The following CDH18 variants were observed in gnomAD, a reference collection of about 807,000 sequenced individuals.
The protein encoded by CDH18 is cadherin-18.
A neutral mutation model predicts 67.9 loss-of-function variants in CDH18; 31 were observed. The ratio of observed to expected loss-of-function variants is 0.46; its 90% CI spans 0.34 to 0.62. The LOEUF (loss-of-function observed/expected upper bound fraction) is 0.62, where lower values mean the gene tolerates loss of function less well. CDH18 is among the 20% of genes least tolerant of loss of function. CDH18 has a pLI of 0.01. For missense variants in CDH18, 890 were observed against 975.5 expected (o/e 0.91, Z 1.17); for synonymous variants, 362 against 347.2 (o/e 1.04, Z -0.48).
chr5:19,829,828 C>A (rs950929222), intron 3 of CDH18, among the ~76,000 whole-genome samples: 2 of 151,934 alleles, frequency 1.3e-5, no homozygotes, highest in Admixed American at 1.3e-4. Flanking sequence ...GGTACAAGTA[C>A]AAAAAAATGG....
At chr5:20,208,881 T>C (rs185815936) in intron 2 of CDH18, among the ~76,000 whole-genome samples, 3 of 151,884 alleles carry the variant, frequency 2.0e-5, no homozygotes, top group East Asian at 3.9e-4. Flanking sequence ...AACAACTCAA[T>C]AGCAATAAAG....
chr5:20,043,771 A>G (rs1200810199), intron 2 of CDH18, among the ~76,000 whole-genome samples: 1 of 152,186 alleles, frequency 6.6e-6, no homozygotes, highest in East Asian at 1.9e-4. Context: ...AGGAAGAGAT[A>G]AAATGGAAAG....
intron 5 of CDH18, among the ~76,000 whole-genome samples, chr5:19,646,863 T>C (rs991822094): frequency 2.6e-5 from 4 of 151,858 alleles, no homozygotes; most frequent in African/African-American, 7.3e-5. Flanking sequence ...TGGTCAAAGA[T>C]AGAAGAAGGG....
At chr5:20,107,084 C>CT (rs34482408) in intron 2 of CDH18, among the ~76,000 whole-genome samples, 119,516 of 143,482 alleles carry the variant, frequency 0.83, 50,397 homozygotes, top group Non-Finnish European at 0.9. Context: ...TTATAACTTT[C>CT]TTTTTTTTTT....
chr5:20,015,491 A>C (rs565305010), intron 2 of CDH18, among the ~76,000 whole-genome samples: 37 of 152,282 alleles, frequency 2.4e-4, no homozygotes, highest in African/African-American at 8.9e-4. Flanking sequence ...AAAACTTAGA[A>C]AGACTAACAC....
At chr5:20,405,621 A>C (rs1352147983) in intron 1 of CDH18, among the ~76,000 whole-genome samples, 1 of 152,192 alleles carries the variant, frequency 6.6e-6, no homozygotes, top group Non-Finnish European at 1.5e-5. Context: ...TCTGCACAGC[A>C]AAAGAAACTA....
chr5:20,319,424 G>C (rs1737785414), intron 1 of CDH18, among the ~76,000 whole-genome samples: 1 of 152,134 alleles, frequency 6.6e-6, no homozygotes, highest in Non-Finnish European at 1.5e-5. Context: ...TATGAAGGCT[G>C]ACTCTTCCAT....
chr5:19,486,884 G>T (rs549383221), intron 11 of CDH18, among the ~76,000 whole-genome samples: 1 of 152,204 alleles, frequency 6.6e-6, no homozygotes, highest in East Asian at 1.9e-4. Flanking sequence ...TGAATAAAGA[G>T]AAAACATAGC....
intron 1 of CDH18, among the ~76,000 whole-genome samples, chr5:20,410,879 A>G (rs1746715895): frequency 6.6e-6 from 1 of 151,882 alleles, no homozygotes; most frequent in Non-Finnish European, 1.5e-5. Context: ...AAAATACTTA[A>G]GAATAAAGTT....
intron 1 of CDH18, among the ~76,000 whole-genome samples, chr5:20,377,760 G>T (rs532867135): frequency 6.6e-6 from 1 of 151,778 alleles, no homozygotes; most frequent in African/African-American, 2.4e-5. Context: ...TTTATATGGG[G>T]GAAATTAAAA....
rs1206377496 is a variant in CDH18 at position 19,721,318 on chromosome 5, G to C, written c.643+29C>G. 16 of 1,537,964 alleles carry C rather than the reference G, an allele frequency of 1.0e-5. No individual in the cohort carries two copies. In the Admixed American group the frequency reaches 2.8e-4, roughly 27 times the overall value. On this transcript the variant is annotated intron_variant, in intron 5 of 12. Coordinates refer to ENST00000382275, the MANE Select transcript of CDH18 (RefSeq NM_004934.5). ...TTGCAACTTACTGTAGCAAACGCTT[G>C]CATGCGAGTTATGTGTAAATGCACT...
rs1161809156 is a variant in CDH18 at position 19,744,230 on chromosome 5, A to G, written c.523+2712T>C. The stretch of plus-strand genomic sequence containing the variant: ...AAACCACAGTAGTACAGAGAGTTGA[A>G]ACTTACTCTGTCTTGTTCTTTTTCT... On this transcript the variant is annotated intron_variant, in intron 4 of 12. Transcript: ENST00000382275. Among the ~76,000 whole-genome samples, 3 of 152,074 alleles carry G rather than the reference A, an allele frequency of 2.0e-5. No individual in the cohort carries two copies. The East Asian group carries it at 5.8e-4, about 29-fold the overall frequency.
chr5:19,988,886 T>C (rs74701509), upstream of CDH18, among the ~76,000 whole-genome samples: 2,219 of 152,172 alleles, frequency 0.015, 24 homozygotes, highest in Middle Eastern at 0.024. Flanking sequence ...AGACAGAGCT[T>C]CCCCTTGGAG....
At chr5:19,992,031 A>C (rs1398225304), upstream of CDH18, 1 of 151,546 alleles carries the variant, frequency 6.6e-6, no homozygotes, top group Non-Finnish European at 1.5e-5. Flanking sequence ...AAAAAAAAAA[A>C]AAAAAAAGAA....
At chr5:20,220,743 A>G (rs1741161233) in intron 2 of CDH18, among the ~76,000 whole-genome samples, 1 of 151,976 alleles carries the variant, frequency 6.6e-6, no homozygotes, top group South Asian at 2.1e-4. Context: ...GGGATTAATA[A>G]CCAGAATATA....
At chr5:19,514,941 A>G (rs1211104469) in intron 10 of CDH18, among the ~76,000 whole-genome samples, 1 of 151,934 alleles carries the variant, frequency 6.6e-6, no homozygotes, top group Admixed American at 6.6e-5. Flanking sequence ...TCCTGAATGG[A>G]ATTGCCTAGG....
At chr5:20,045,839 C>A (rs956901401) in intron 2 of CDH18, among the ~76,000 whole-genome samples, 2 of 151,984 alleles carry the variant, frequency 1.3e-5, no homozygotes. Context: ...AAATTCAAGG[C>A]CAGAAAGCAG....
At chr5:19,895,268 CT>C (rs1219071816) in intron 2 of CDH18, among the ~76,000 whole-genome samples, 1 of 152,090 alleles carries the variant, frequency 6.6e-6, no homozygotes, top group East Asian at 1.9e-4. Context: ...ACTGGTAAGG[CT>C]TTCAATAAAA....
chr5:20,450,889 C>T (rs73060616), intron 1 of CDH18, among the ~76,000 whole-genome samples: 12 of 152,154 alleles, frequency 7.9e-5, no homozygotes, highest in East Asian at 3.9e-4. Context: ...AGGTAAATGC[C>T]GAGCAAAGTC....
Sources: allele counts gnomAD v4.1 joint callset (sites outside exome capture counted in the v4.1 genomes callset), GRCh38; gene constraint gnomAD v4.1.1; transcripts MANE v1.5; gene names NCBI Gene and HGNC (gene_info 2026-07-23, HGNC 2026-07-21).